NDE1: variants seen among roughly 807,000 people sequenced by gnomAD.
NDE1 encodes nudE neurodevelopment protein 1.
A neutral mutation model predicts 43.4 loss-of-function variants in NDE1; 28 were observed. The ratio of observed to expected loss-of-function variants is 0.65; its 90% CI spans 0.48 to 0.89. NDE1 has a LOEUF of 0.89. Among genes scored for constraint, NDE1 ranks in the 40% least tolerant of loss-of-function variants. The probability of loss-of-function intolerance (pLI) is 0.00; values close to 1 mark genes in which losing one functional copy is unlikely to be tolerated. For missense variants in NDE1, 441 were observed against 434.1 expected (o/e 1.02, Z -0.14); for synonymous variants, 184 against 172.0 (o/e 1.07, Z -0.55).
chr16:15,710,043 C>A (rs2039690485), intron 8 of NDE1, among the ~76,000 whole-genome samples: 1 of 152,160 alleles, frequency 6.6e-6, no homozygotes, highest in Non-Finnish European at 1.5e-5. Context: ...GGCTCTAGTG[C>A]CTGATTTTAT....
At chr16:15,683,072 C>T (rs543115203) in intron 4 of NDE1, among the ~76,000 whole-genome samples, 6 of 151,990 alleles carry the variant, frequency 3.9e-5, no homozygotes, top group Non-Finnish European at 5.9e-5. Context: ...GTCTCAAACT[C>T]CTGGATTCAA....
In NDE1 at chr16:15,725,580, C is replaced by T. The variant is rs2040713447; in HGVS notation, c.*1329C>T. ...TCCCTTTGAGGCTGTTAGCCTACCCCTCCATCTCTTCCATTGACAAGGAGG... is the reference window on the plus strand; with the variant it reads ...TCCCTTTGAGGCTGTTAGCCTACCCTTCCATCTCTTCCATTGACAAGGAGG... On this transcript the variant is annotated 3_prime_UTR_variant, in exon 9 of 9. Transcript: ENST00000396354. 2 of 406,942 alleles carry T rather than the reference C, an allele frequency of 4.9e-6. No individual in the cohort carries two copies. The highest frequency in any genetic ancestry group is 8.7e-6 in the Non-Finnish European group (2 of 230,358). The allele number at this position is 406,942 out of a possible 1,614,324, so 25.2% of individuals were successfully genotyped here.
chr16:15,676,312 C>T lies in NDE1; in HGVS notation c.238-1489C>T, dbSNP rs1365712533. Reference sequence around the variant, plus strand: ...GCAACCTCCGCCTCCCGTGTTCAAGCGATTCTCCCGCGTCAGCCTTCTGAG... The same window carrying T: ...GCAACCTCCGCCTCCCGTGTTCAAGTGATTCTCCCGCGTCAGCCTTCTGAG... On this transcript the variant is annotated intron_variant, in intron 3 of 8. Coordinates refer to ENST00000396354, the MANE Select transcript of NDE1 (RefSeq NM_017668.3). Among the ~76,000 whole-genome samples the T allele has an allele frequency of 4.1e-5, 6 of 145,900 alleles. No individual in the cohort carries two copies. In the East Asian group the frequency reaches 1.0e-3, roughly 25 times the overall value.
chr16:15,678,072 G>A (rs372623443), intron 4 of NDE1, 123 bp downstream of exon 4: 1 of 1,271,598 alleles, frequency 7.9e-7, no homozygotes, highest in Non-Finnish European at 1.1e-6. Context: ...CAAAGCCAGT[G>A]CCCTTCTGGA....
At position 15,678,835 on chromosome 16, in the gene NDE1, T is replaced by C. The variant is rs552376849; in HGVS notation, c.386+886T>C. Among the ~76,000 whole-genome samples, 11 of 152,150 alleles carry C rather than the reference T, an allele frequency of 7.2e-5. No individual in the cohort carries two copies. The East Asian group carries it at 2.1e-3, about 30-fold the overall frequency. On this transcript the variant is annotated intron_variant, in intron 4 of 8. Transcript: ENST00000396354. Reference sequence around the variant, plus strand: ...CTCACGCCTGTAATCCCAGCACTTTTGGAGGCCGAGGTGGGCGGATCACGA... The same window carrying C: ...CTCACGCCTGTAATCCCAGCACTTTCGGAGGCCGAGGTGGGCGGATCACGA...
intron 5 of NDE1, among the ~76,000 whole-genome samples, chr16:15,688,137 G>C (rs1363496403): frequency 2.0e-5 from 3 of 152,180 alleles, no homozygotes; most frequent in African/African-American, 7.2e-5. Context: ...GATGGCACCA[G>C]TGCACTCCAG....
intron 8 of NDE1, chr16:15,703,061 C>A (rs920194866): frequency 5.7e-6 from 1 of 175,260 alleles, no homozygotes; most frequent in East Asian, 9.9e-5. Context: ...ATCTTTGGGA[C>A]GATGAAGCAA....
intron 8 of NDE1, among the ~76,000 whole-genome samples, chr16:15,711,747 C>T (rs751955585): frequency 7.2e-5 from 11 of 152,090 alleles, no homozygotes; most frequent in Non-Finnish European, 1.2e-4. Flanking sequence ...GGCTGAAGTG[C>T]AGTGGTGCGA....
chr16:15,720,709 G>T, intron 8 of NDE1: 1 of 1,034,270 alleles, frequency 9.7e-7, no homozygotes, highest in Non-Finnish European at 1.5e-6. Context: ...CTCCAGCCTG[G>T]GCGACAGAGC....
chr16:15,685,261 T>G (rs1429566999), intron 4 of NDE1, among the ~76,000 whole-genome samples: 1 of 152,128 alleles, frequency 6.6e-6, no homozygotes, highest in Admixed American at 6.5e-5. Flanking sequence ...GTGTTTTTTG[T>G]TTTTGTTTTT....
intron 8 of NDE1, chr16:15,719,448 G>A: frequency 6.7e-7 from 1 of 1,487,216 alleles, no homozygotes; most frequent in South Asian, 1.1e-5. Context: ...ACATAGAGGA[G>A]GGAAGCGTGT....
At chr16:15,714,502 G>GAGGGGGAGAA in intron 8 of NDE1, 1 of 324,280 alleles carries the variant, frequency 3.1e-6, no homozygotes, top group Middle Eastern at 1.0e-3. Flanking sequence ...CAGCAGTGCT[G>GAGGGGGAGAA]AGGGGGAGAA....
chr16:15,697,539 A>G (rs1296023712), intron 8 of NDE1, among the ~76,000 whole-genome samples: 1 of 151,882 alleles, frequency 6.6e-6, no homozygotes. Flanking sequence ...GTAAAACCCC[A>G]TCTCCACCAA....
Position 15,719,603 on chromosome 16 carries a change from G to T in NDE1, c.948-4588G>T, listed in dbSNP as rs751375975. 3 of 1,614,050 alleles carry T rather than the reference G, an allele frequency of 1.9e-6. No homozygotes were observed. The African/African-American group carries it at 4.0e-5, about 22-fold the overall frequency. On this transcript the variant is annotated intron_variant, in intron 8 of 8. Coordinates refer to ENST00000396354, the MANE Select transcript of NDE1 (RefSeq NM_017668.3). ...GCTTTACCTCTTGTAGCTGCATGAG[G>T]TCTGCTTCCAAGCTCTTGGCTTTCT...
chr16:15,699,493 A>G lies in NDE1; in HGVS notation c.947+2633A>G, dbSNP rs893893751. Reference sequence around the variant, plus strand: ...TGCGTAGGCTGTAAAACAAACAAACAATAGGTAAGAGATGGATTTTTCTAG... The same window carrying G: ...TGCGTAGGCTGTAAAACAAACAAACGATAGGTAAGAGATGGATTTTTCTAG... On this transcript the variant is annotated intron_variant, in intron 8 of 8. Coordinates refer to ENST00000396354, the MANE Select transcript of NDE1 (RefSeq NM_017668.3). 6 of 1,098,686 alleles carry G rather than the reference A, an allele frequency of 5.5e-6. No homozygotes were observed. The East Asian group carries it at 2.6e-4, about 49-fold the overall frequency. The allele number at this position is 1,098,686 out of a possible 1,614,324, so 68.1% of individuals were successfully genotyped here.
intron 4 of NDE1, among the ~76,000 whole-genome samples, chr16:15,685,329 ACTGTACC>A (rs773239204): frequency 1.4e-4 from 21 of 152,136 alleles, no homozygotes; most frequent in Middle Eastern, 3.4e-3. Context: ...GTCATGGCTT[ACTGTACC>A]CTTGAATTCC....
chr16:15,705,616 T>C (rs968110698), intron 8 of NDE1, among the ~76,000 whole-genome samples: 7 of 152,124 alleles, frequency 4.6e-5, no homozygotes, highest in African/African-American at 1.7e-4. Context: ...GAGCAGACTT[T>C]TGCTCCCCAC....
chr16:15,708,863 C>T (rs776971115), intron 8 of NDE1: 35 of 1,607,444 alleles, frequency 2.2e-5, no homozygotes, highest in Non-Finnish European at 2.8e-5. Flanking sequence ...AGAGAATCCC[C>T]GGAGGTTACC....
Position 15,686,841 on chromosome 16 carries a change from A to G in NDE1, c.387-534A>G, listed in dbSNP as rs116216802. 2.5e-3 allele frequency: 1,038 copies of G among 408,872 alleles called. 12 individuals carry two copies. Among genetic ancestry groups the G allele is most frequent in the African/African-American group, 0.022 (1,002 of 46,120 alleles). 25.3% of individuals were successfully genotyped at this position (408,872 alleles called of 1,614,324 possible). A position where few individuals can be genotyped will look rare whatever the true frequency, so the allele number is the denominator to read the frequency against. On this transcript the variant is annotated intron_variant, in intron 4 of 8. Coordinates refer to ENST00000396354, the MANE Select transcript of NDE1 (RefSeq NM_017668.3). ...CAGCCTCCCAAGTAGCTGGGATTACACTACAACTGGCTAATTTTTGTATTT... is the reference window on the plus strand; with the variant it reads ...CAGCCTCCCAAGTAGCTGGGATTACGCTACAACTGGCTAATTTTTGTATTT...
Sources: gnomAD v4.1 joint callset for allele counts (sites outside exome capture counted in the v4.1 genomes callset) on GRCh38, gnomAD v4.1.1 for gene constraint, MANE v1.5 for transcripts, NCBI Gene and HGNC (gene_info 2026-07-23, HGNC 2026-07-21) for gene names.